The following GALNT17 variants were observed in gnomAD, a reference collection of about 807,000 sequenced individuals.
GALNT17 encodes the protein polypeptide N-acetylgalactosaminyltransferase 17.
A neutral mutation model predicts 63.7 loss-of-function variants in GALNT17; 29 were observed. That is an observed-to-expected ratio of 0.46 (90% CI 0.34 to 0.62). The LOEUF is 0.62. Ranked by LOEUF, GALNT17 falls within the 20% of genes least tolerant of loss-of-function variation. GALNT17 has a pLI of 0.01. For missense variants in GALNT17, 603 were observed against 799.6 expected, an observed-to-expected ratio of 0.75 and a Z score of 2.97; for synonymous variants, 305 against 318.3, an observed-to-expected ratio of 0.96 and a Z score of 0.45.
rs144493671 is a variant in GALNT17 at position 71,265,098 on chromosome 7, T to TTTTATATATATATA, written c.239-70451_239-70450insTTATATATATATAT. Among the ~76,000 whole-genome samples the TTTTATATATATATA allele has an allele frequency of 4.4e-3, 346 of 78,260 alleles. 42 individuals carry two copies. Among genetic ancestry groups the TTTTATATATATATA allele is most frequent in the Non-Finnish European group, 5.6e-3 (212 of 38,124 alleles). The allele number at this position is 78,260 out of a possible 152,430, so 51.3% of individuals were successfully genotyped here. On this transcript the variant is annotated intron_variant, in intron 1 of 10. Transcript: ENST00000333538. ...AAATACCACACGTAACCCATAAATA[T>TTTTATATATATATA]TATATATATATATATATATATTTTT...
At chr7:71,219,549 A>G (rs1042909028) in intron 1 of GALNT17, among the ~76,000 whole-genome samples, 2 of 151,364 alleles carry the variant, frequency 1.3e-5, no homozygotes, top group Admixed American at 6.6e-5. Flanking sequence ...TGATCTTCCA[A>G]CTCTTCTGGA....
At position 71,249,174 on chromosome 7, in the gene GALNT17, C is replaced by T. The variant is rs181752583; in HGVS notation, c.239-86376C>T. On this transcript the variant is annotated intron_variant, in intron 1 of 10. Coordinates refer to ENST00000333538, the MANE Select transcript of GALNT17 (RefSeq NM_022479.3). Reference sequence around the variant, plus strand: ...TTCAGGCACATGCATTCTTAAGGTTCATCTTTACATAACAGCATCTGTTTC... The same window carrying T: ...TTCAGGCACATGCATTCTTAAGGTTTATCTTTACATAACAGCATCTGTTTC... Among the ~76,000 whole-genome samples, 11 of 152,340 alleles carry T rather than the reference C, an allele frequency of 7.2e-5. No homozygotes were observed. In the East Asian group the frequency reaches 1.9e-3, roughly 27 times the overall value.
At chr7:71,464,883 A>T (rs942475008) in intron 5 of GALNT17, among the ~76,000 whole-genome samples, 1 of 152,296 alleles carries the variant, frequency 6.6e-6, no homozygotes, top group South Asian at 2.1e-4. Flanking sequence ...TCAAACTTGC[A>T]CTGCTCAGTG....
chr7:71,335,342 A>T (rs187668043), intron 1 of GALNT17, among the ~76,000 whole-genome samples: 13 of 152,214 alleles, frequency 8.5e-5, no homozygotes, highest in African/African-American at 2.9e-4. Flanking sequence ...GATTCTAACC[A>T]GACTTTAACC....
At chr7:71,562,922 A>T (rs1339117785) in intron 5 of GALNT17, among the ~76,000 whole-genome samples, 1 of 152,192 alleles carries the variant, frequency 6.6e-6, no homozygotes, top group Non-Finnish European at 1.5e-5. Context: ...GAGGGGAAGC[A>T]TCTAGAATGA....
chr7:71,354,440 AT>A (rs1792246094), intron 2 of GALNT17, among the ~76,000 whole-genome samples: 1 of 152,228 alleles, frequency 6.6e-6, no homozygotes, highest in African/African-American at 2.4e-5. Context: ...TGGGTGTTGA[AT>A]TTTCCAAACT....
At chr7:71,140,159 G>C (rs927034992) in intron 1 of GALNT17, among the ~76,000 whole-genome samples, 1 of 152,182 alleles carries the variant, frequency 6.6e-6, no homozygotes, top group Non-Finnish European at 1.5e-5. Context: ...AGGAAGGAGC[G>C]AAGGGAGAGG....
intron 1 of GALNT17, among the ~76,000 whole-genome samples, chr7:71,141,095 G>A (rs946924690): frequency 7.6e-5 from 11 of 145,072 alleles, no homozygotes; most frequent in Admixed American, 5.5e-4. Flanking sequence ...AGGGCCAGGC[G>A]TGGTGACTCA....
chr7:71,654,013 A>AT lies in GALNT17; in HGVS notation c.1081-11390dup, dbSNP rs201659092. Among the ~76,000 whole-genome samples the AT allele has an allele frequency of 2.1e-3, 323 of 151,924 alleles. 3 individuals are homozygous for AT. Among genetic ancestry groups the AT allele is most frequent in the Admixed American group, 0.019 (286 of 15,234 alleles). ...AGAACATATGCTAAGATGTTATCTT[A>AT]TTTTTTTTATTTTTTATTTTTGAAA... is the stretch of plus-strand genomic sequence containing the variant. On this transcript the variant is annotated intron_variant, in intron 6 of 10. Coordinates refer to ENST00000333538, the MANE Select transcript of GALNT17 (RefSeq NM_022479.3).
chr7:71,411,664 C>T (rs1370045541), intron 3 of GALNT17, among the ~76,000 whole-genome samples: 3 of 152,214 alleles, frequency 2.0e-5, no homozygotes, highest in Non-Finnish European at 4.4e-5. Context: ...AGATGTCCCA[C>T]TCATCCAGTT....
At chr7:71,273,996 A>G (rs1199236801) in intron 1 of GALNT17, among the ~76,000 whole-genome samples, 1 of 152,202 alleles carries the variant, frequency 6.6e-6, no homozygotes, top group Non-Finnish European at 1.5e-5. Context: ...TAAGCATAGC[A>G]TGTGCCACAC....
chr7:71,272,903 T>A (rs1301407348), intron 1 of GALNT17, among the ~76,000 whole-genome samples: 1 of 152,064 alleles, frequency 6.6e-6, no homozygotes, highest in Non-Finnish European at 1.5e-5. Flanking sequence ...TCATGTCTGC[T>A]TTTTCACCCT....
At position 71,421,117 on chromosome 7, in the gene GALNT17, G is replaced by A; in HGVS notation, c.962+12G>A. ...TCTCTCCCCATCAGGTCTGTGGCTG[G>A]TGAGCCCTGGCGGCCAACGAGCCCC... is the stretch of plus-strand genomic sequence containing the variant. On this transcript the variant is annotated intron_variant, in intron 5 of 10. Transcript: ENST00000333538. 6.2e-7 allele frequency: 1 copy of A among 1,613,890 alleles called. No homozygotes were observed. Among genetic ancestry groups the A allele is most frequent in the Non-Finnish European group, 8.5e-7 (1 of 1,179,932 alleles).
chr7:71,710,041 C>T (rs1009363547), intron 9 of GALNT17, among the ~76,000 whole-genome samples: 1 of 152,148 alleles, frequency 6.6e-6, no homozygotes, highest in Non-Finnish European at 1.5e-5. Context: ...TTTAGTCAAT[C>T]CCCCTTTGTA....
At chr7:71,555,203 A>C (rs1165230799) in intron 5 of GALNT17, among the ~76,000 whole-genome samples, 1 of 151,436 alleles carries the variant, frequency 6.6e-6, no homozygotes, top group African/African-American at 2.4e-5. Context: ...GGCCCCACCC[A>C]CAACTCTGGT....
At position 71,698,890 on chromosome 7, in the gene GALNT17, C is replaced by T. The variant is rs1010887710; in HGVS notation, c.1501-11871C>T. ...AGACACATAAAAAACCTCAGGAGAG[C>T]GCCGGGCCCAGTGGCTCACGCCTGT... On this transcript the variant is annotated intron_variant, in intron 9 of 10. Transcript: ENST00000333538. Among the ~76,000 whole-genome samples the T allele has an allele frequency of 7.2e-5, 11 of 151,926 alleles. 1 individual carries two copies. Among genetic ancestry groups the T allele is most frequent in the African/African-American group, 1.7e-4 (7 of 41,368 alleles).
rs10156117 is a variant in GALNT17, at chr7:71,474,231, G to A, written c.962+53126G>A. Among the ~76,000 whole-genome samples, 568 of 152,242 alleles carry A rather than the reference G, an allele frequency of 3.7e-3. 2 individuals are homozygous for A. The highest frequency in any genetic ancestry group is 0.013 in the African/African-American group (537 of 41,532). On this transcript the variant is annotated intron_variant, in intron 5 of 10. Transcript: ENST00000333538. ...TAATGAGCTGTGAGGATGACCAGAC[G>A]TCACTTTTGCCACCATCTTGGTTTT...
Position 71,710,833 on chromosome 7 carries a change from C to T in GALNT17, c.1573C>T (p.Arg525Cys), listed in dbSNP as rs752068865. The T allele has an allele frequency of 3.7e-6, 6 of 1,613,788 alleles. No individual in the cohort carries two copies. The highest frequency in any genetic ancestry group is 2.2e-5 in the South Asian group (2 of 91,074). Residue 525 changes from arginine (R) to cysteine (C), a missense_variant, in exon 10 of 11, where the codon CGC (arginine) becomes TGC (cysteine). Coordinates refer to ENST00000333538, the MANE Select transcript of GALNT17 (RefSeq NM_022479.3). The part of the protein sequence containing the change: ...LGTTTLLPDT[R>C]CLVDNSKSRL... ...GACCACCACACTCCTCCCTGACACC[C>T]GCTGCCTGGTGGACAACTCCAAGAG...
chr7:71,579,740 G>C (rs905455632), intron 6 of GALNT17, among the ~76,000 whole-genome samples: 2 of 152,202 alleles, frequency 1.3e-5, no homozygotes, highest in East Asian at 3.9e-4. Context: ...TAGATGCAGC[G>C]ACAACCATCA....
Sources: gnomAD v4.1 joint callset for allele counts (sites outside exome capture counted in the v4.1 genomes callset) on GRCh38, gnomAD v4.1.1 for gene constraint, MANE v1.5 for transcripts, NCBI Gene and HGNC (gene_info 2026-07-23, HGNC 2026-07-21) for gene names.